The following NCK2 variants were observed in gnomAD, a reference collection of about 807,000 sequenced individuals.
NCK2 encodes cytoplasmic protein NCK2.
In NCK2, 16 loss-of-function variants were observed where a neutral mutation model predicts 33.9. The ratio of observed to expected loss-of-function variants is 0.47; its 90% confidence interval spans 0.32 to 0.72. The LOEUF (loss-of-function observed/expected upper bound fraction) is 0.72, where lower values mean the gene tolerates loss of function less well. NCK2 is among the 30% of genes least tolerant of loss of function. The pLI, the probability that NCK2 is intolerant of heterozygous loss-of-function variation, is 0.03. For synonymous variants in NCK2, 273 were observed against 239.9 expected (o/e 1.14, Z -1.27); for missense variants, 418 against 537.3 (o/e 0.78, Z 2.19).
At chr2:105,861,963 C>T (rs981697168) in intron 3 of NCK2, among the ~76,000 whole-genome samples, 42 of 148,270 alleles carry the variant, frequency 2.8e-4, no homozygotes, top group Non-Finnish European at 5.1e-4. Context: ...CCCTTTCTTC[C>T]ACCTGCATAA....
chr2:105,836,394 G>C (rs1676439727), intron 2 of NCK2, among the ~76,000 whole-genome samples: 1 of 152,134 alleles, frequency 6.6e-6, no homozygotes, highest in South Asian at 2.1e-4. Flanking sequence ...ACTGTCAGTG[G>C]TGTCTGCAAG....
chr2:105,828,387 G>A (rs6749913), intron 2 of NCK2, among the ~76,000 whole-genome samples: 129,304 of 152,154 alleles, frequency 0.85, 55,006 homozygotes, highest in Middle Eastern at 0.88. Context: ...ACAATAATTT[G>A]CCTGTAATTA....
Position 105,881,843 on chromosome 2 carries a change from C to T in NCK2, c.742C>T (p.Pro248Ser). 1.3e-6 allele frequency: 2 copies of T among 1,597,870 alleles called. No individual in the cohort carries two copies. Among genetic ancestry groups the T allele is most frequent in the South Asian group, 1.1e-5 (1 of 87,992 alleles). ...KNARGQVGLV[P>S]KNYVVVLSDG... ...TGCCCGGGGCCAGGTGGGCCTCGTC[C>T]CCAAAAACTACGTGGTGGTCCTCAG... The change falls in exon 4 of 5, where the codon CCC (proline) becomes TCC (serine). Residue 248 changes from proline to serine, a missense_variant. Transcript: ENST00000233154.
intron 1 of NCK2, among the ~76,000 whole-genome samples, chr2:105,779,264 G>A (rs1309365343): frequency 7.3e-6 from 1 of 136,326 alleles, no homozygotes; most frequent in Non-Finnish European, 1.5e-5. Context: ...CCGAGATTGT[G>A]CCACTGCACT....
intron 2 of NCK2, among the ~76,000 whole-genome samples, chr2:105,827,930 A>G (rs1014193049): frequency 6.6e-6 from 1 of 152,150 alleles, no homozygotes; most frequent in Admixed American, 6.5e-5. Context: ...GAAATGACAG[A>G]ACCATATATA....
intron 1 of NCK2, among the ~76,000 whole-genome samples, chr2:105,777,792 C>G (rs1005058545): frequency 6.6e-6 from 1 of 152,102 alleles, no homozygotes; most frequent in African/African-American, 2.4e-5. Flanking sequence ...TTGCTCCTGT[C>G]AAGCAGGAAA....
intron 3 of NCK2, among the ~76,000 whole-genome samples, chr2:105,877,673 A>G (rs902427903): frequency 3.6e-4 from 55 of 152,210 alleles, no homozygotes; most frequent in African/African-American, 1.3e-3. Flanking sequence ...TGGCACCCCA[A>G]TTCAGAGTCC....
chr2:105,794,090 C>T (rs1046256913), intron 1 of NCK2, among the ~76,000 whole-genome samples: 2 of 149,258 alleles, frequency 1.3e-5, no homozygotes, highest in Admixed American at 1.3e-4. Context: ...GCTCTGTCGC[C>T]CAGGCTGGAG....
At chr2:105,830,669 T>TGG (rs200477344) in intron 2 of NCK2, among the ~76,000 whole-genome samples, 1,838 of 67,700 alleles carry the variant, frequency 0.027, 16 homozygotes, top group Non-Finnish European at 0.03. Flanking sequence ...GCCAGGAATT[T>TGG]GGTGTGTGTG....
Position 105,806,678 on chromosome 2 carries a change from ATATC to A in NCK2, c.-200-9748_-200-9745del, listed in dbSNP as rs1675057045. Among the ~76,000 whole-genome samples, 3 of 152,004 alleles carry A rather than the reference ATATC, an allele frequency of 2.0e-5. No homozygotes were observed. The South Asian group carries it at 6.3e-4, about 32-fold the overall frequency. ...TGGAATTCATTTATGGGACACTGTA[ATATC>A]TATGTGAATATCTGCTACTTAATGA... On this transcript the variant is annotated intron_variant, in intron 1 of 4. Transcript: ENST00000233154.
intron 3 of NCK2, 68 bp downstream of exon 3, chr2:105,855,357 A>G: frequency 4.3e-6 from 5 of 1,166,742 alleles, no homozygotes; most frequent in Non-Finnish European, 5.8e-6. Context: ...CTTTCTAGTT[A>G]GTTTGCTGTT....
intron 1 of NCK2, among the ~76,000 whole-genome samples, chr2:105,815,499 T>C (rs1424707809): frequency 1.3e-5 from 2 of 152,186 alleles, no homozygotes; most frequent in African/African-American, 4.8e-5. Flanking sequence ...GTCAGTGAAC[T>C]CACTTGAAGT....
At chr2:105,853,655 A>G (rs1379486765) in intron 2 of NCK2, among the ~76,000 whole-genome samples, 6 of 152,224 alleles carry the variant, frequency 3.9e-5, no homozygotes, top group Admixed American at 3.9e-4. Context: ...TTTGTTGAAG[A>G]ACAGTAAGGC....
chr2:105,785,883 A>T (rs538128379), intron 1 of NCK2, among the ~76,000 whole-genome samples: 2 of 152,302 alleles, frequency 1.3e-5, no homozygotes, highest in African/African-American at 4.8e-5. Flanking sequence ...ATCTAGTAGC[A>T]GTGCAATACT....
intron 2 of NCK2, among the ~76,000 whole-genome samples, chr2:105,839,280 A>G (rs114098359): frequency 0.017 from 2,639 of 152,240 alleles, 40 homozygotes; most frequent in Non-Finnish European, 0.021. Context: ...GTTTGCAGAG[A>G]GGACTGACAC....
At chr2:105,799,204 A>T (rs1021816237) in intron 1 of NCK2, among the ~76,000 whole-genome samples, 24 of 151,440 alleles carry the variant, frequency 1.6e-4, no homozygotes, top group Admixed American at 3.3e-4. Flanking sequence ...ATGTAAGAAA[A>T]TTTTTTATGT....
intron 1 of NCK2, among the ~76,000 whole-genome samples, chr2:105,758,993 G>A (rs1159998431): frequency 6.6e-6 from 1 of 152,130 alleles, no homozygotes; most frequent in East Asian, 1.9e-4. Context: ...TTGGTGACAT[G>A]GATTAAAGTA....
intron 2 of NCK2, among the ~76,000 whole-genome samples, chr2:105,850,393 ACCTAT>A (rs1221352364): frequency 6.6e-6 from 1 of 152,172 alleles, no homozygotes; most frequent in African/African-American, 2.4e-5. Flanking sequence ...AAGTTTTTAT[ACCTAT>A]CCTATTTGTT....
chr2:105,882,075 G>A (rs769418391), intron 4 of NCK2, 26 bp downstream of exon 4: 10 of 1,480,602 alleles, frequency 6.8e-6, no homozygotes, highest in Middle Eastern at 3.8e-4. Context: ...CCACAGCTCC[G>A]GCTGCAGGCA....
Sources: allele counts gnomAD v4.1 joint callset (sites outside exome capture counted in the v4.1 genomes callset), GRCh38; gene constraint gnomAD v4.1.1; transcripts MANE v1.5; gene names NCBI Gene and HGNC (gene_info 2026-07-23, HGNC 2026-07-21).